MACROD2: variants seen among roughly 807,000 people sequenced by gnomAD.
MACROD2 encodes the protein ADP-ribose glycohydrolase MACROD2.
Under a neutral mutation model 70.4 loss-of-function variants are expected in MACROD2, and 36 were observed. The ratio of observed to expected loss-of-function variants is 0.51; its 90% confidence interval spans 0.39 to 0.68. The LOEUF (loss-of-function observed/expected upper bound fraction) is 0.68, where lower values mean the gene tolerates loss of function less well. Ranked by LOEUF, MACROD2 falls within the 30% of genes least tolerant of loss-of-function variation. MACROD2 has a pLI of 0.00. For synonymous variants in MACROD2, 172 were observed against 178.8 expected (o/e 0.96, Z 0.30); for missense variants, 496 against 538.4 (o/e 0.92, Z 0.78).
chr20:14,263,708 C>T (rs184464382), intron 3 of MACROD2, among the ~76,000 whole-genome samples: 2 of 152,112 alleles, frequency 1.3e-5, no homozygotes, highest in East Asian at 3.9e-4. Context: ...TGCTTGTAAT[C>T]GCAGCACTTT....
intron 8 of MACROD2, among the ~76,000 whole-genome samples, chr20:15,678,401 C>T (rs1416288650): frequency 6.6e-6 from 1 of 151,778 alleles, no homozygotes; most frequent in Non-Finnish European, 1.5e-5. Flanking sequence ...GCTCTGTAGC[C>T]CAGGCTGGAG....
chr20:14,909,665 A>G (rs1255592016), intron 5 of MACROD2, among the ~76,000 whole-genome samples: 1 of 152,110 alleles, frequency 6.6e-6, no homozygotes, highest in Non-Finnish European at 1.5e-5. Flanking sequence ...AAGTTTTGTA[A>G]TAAACCTTCC....
At chr20:15,852,588 A>G (rs910044595) in intron 8 of MACROD2, among the ~76,000 whole-genome samples, 1 of 152,216 alleles carries the variant, frequency 6.6e-6, no homozygotes, top group African/African-American at 2.4e-5. Context: ...CACGAAGAAG[A>G]ACAATGATAT....
intron 10 of MACROD2, among the ~76,000 whole-genome samples, chr20:15,912,492 A>C (rs997177500): frequency 6.6e-6 from 1 of 152,218 alleles, no homozygotes; most frequent in African/African-American, 2.4e-5. Context: ...TTAAAACCTG[A>C]TTTTGAGATT....
At chr20:14,971,078 C>T (rs2074686480) in intron 5 of MACROD2, among the ~76,000 whole-genome samples, 2 of 152,160 alleles carry the variant, frequency 1.3e-5, no homozygotes, top group Non-Finnish European at 2.9e-5. Flanking sequence ...TTGCATATAA[C>T]TTACGCACAT....
At chr20:15,188,753 T>A (rs2076550220) in intron 5 of MACROD2, among the ~76,000 whole-genome samples, 1 of 152,214 alleles carries the variant, frequency 6.6e-6, no homozygotes, top group Non-Finnish European at 1.5e-5. Flanking sequence ...CCTAAGGGAA[T>A]ATGAGTTTTT....
intron 3 of MACROD2, among the ~76,000 whole-genome samples, chr20:14,148,671 G>T (rs1277934618): frequency 6.6e-6 from 1 of 152,160 alleles, no homozygotes; most frequent in East Asian, 1.9e-4. Context: ...GGTGAGAAGG[G>T]TGTTCATGTA....
At chr20:14,363,973 CAT>C (rs2083249609) in intron 3 of MACROD2, among the ~76,000 whole-genome samples, 1 of 151,868 alleles carries the variant, frequency 6.6e-6, no homozygotes, top group African/African-American at 2.4e-5. Context: ...CTTTTCAAAA[CAT>C]AGATGCCTTG....
At chr20:14,448,673 A>G (rs1219039661) in intron 3 of MACROD2, among the ~76,000 whole-genome samples, 1 of 144,102 alleles carries the variant, frequency 6.9e-6, no homozygotes, top group Non-Finnish European at 1.6e-5. Context: ...CTCTCAGAAA[A>G]AAAAAAGAAA....
intron 3 of MACROD2, among the ~76,000 whole-genome samples, chr20:14,344,411 G>T (rs544878997): frequency 3.4e-4 from 52 of 152,054 alleles, no homozygotes; most frequent in South Asian, 1.7e-3. Context: ...AAATATAAAG[G>T]TACTTAAATT....
chr20:14,021,990 T>G (rs1415926098), intron 2 of MACROD2, among the ~76,000 whole-genome samples: 1 of 152,198 alleles, frequency 6.6e-6, no homozygotes, highest in African/African-American at 2.4e-5. Flanking sequence ...ACACCTGTTT[T>G]GACTTACATG....
intron 10 of MACROD2, among the ~76,000 whole-genome samples, chr20:15,913,504 A>G (rs1172091550): frequency 2.6e-5 from 4 of 152,234 alleles, no homozygotes; most frequent in African/African-American, 9.6e-5. Context: ...CCAAAGAATC[A>G]TAAGCCCTTA....
chr20:14,302,253 TG>T (rs2082481146), intron 3 of MACROD2, among the ~76,000 whole-genome samples: 1 of 152,204 alleles, frequency 6.6e-6, no homozygotes, highest in African/African-American at 2.4e-5. Flanking sequence ...TTGTGGTTGT[TG>T]GACTGTACTC....
chr20:15,095,402 A>AT (rs2075823481), intron 5 of MACROD2, among the ~76,000 whole-genome samples: 1 of 150,934 alleles, frequency 6.6e-6, no homozygotes, highest in Non-Finnish European at 1.5e-5. Flanking sequence ...AGCCAGTTTA[A>AT]TGTTTCTTGA....
In MACROD2 at chr20:15,498,101, C is replaced by T. The variant is rs187091906; in HGVS notation, c.572-1673C>T. Among the ~76,000 whole-genome samples the T allele has an allele frequency of 4.8e-3, 731 of 152,314 alleles. 5 individuals are homozygous for T. The highest frequency in any genetic ancestry group is 7.4e-3 in the Non-Finnish European group (501 of 68,030). On this transcript the variant is annotated intron_variant, in intron 7 of 17. Coordinates refer to ENST00000684519, the MANE Select transcript of MACROD2 (RefSeq NM_001351661.2). ...GACATTGCAAAGGTTCAAGAACTTA[C>T]GCACATTTTCTGTATAACAGTCATT... is the stretch of plus-strand genomic sequence containing the variant.
intron 4 of MACROD2, among the ~76,000 whole-genome samples, chr20:14,664,079 A>G (rs191462000): frequency 2.0e-4 from 31 of 152,230 alleles, no homozygotes; most frequent in African/African-American, 7.0e-4. Flanking sequence ...TGAACAACAT[A>G]TTTTTAATTT....
In MACROD2 at chr20:14,912,977, G is replaced by C. The variant is rs577228923; in HGVS notation, c.418+228018G>C. On this transcript the variant is annotated intron_variant, in intron 5 of 17. Coordinates refer to ENST00000684519, the MANE Select transcript of MACROD2 (RefSeq NM_001351661.2). ...ACACATAAAGTATCCAGAAGTACTTGCCAGGATGAGTACACAAATTCTGTC... is the reference window on the plus strand; with the variant it reads ...ACACATAAAGTATCCAGAAGTACTTCCCAGGATGAGTACACAAATTCTGTC... 5.0e-4 allele frequency among the ~76,000 whole-genome samples: 76 copies of C among 152,208 alleles called. 1 individual carries two copies. The highest frequency in any genetic ancestry group is 3.4e-3 in the Middle Eastern group (1 of 294).
At chr20:15,013,594 T>A (rs566499424) in intron 5 of MACROD2, among the ~76,000 whole-genome samples, 12 of 152,200 alleles carry the variant, frequency 7.9e-5, no homozygotes, top group African/African-American at 2.6e-4. Context: ...GAGGCTTGAC[T>A]TTTTTGCTGC....
chr20:14,242,171 A>G (rs755518397), intron 3 of MACROD2, among the ~76,000 whole-genome samples: 46 of 152,214 alleles, frequency 3.0e-4, no homozygotes, highest in Admixed American at 5.2e-4. Flanking sequence ...AAATTAAATT[A>G]GACAATTTAT....
Sources: allele counts gnomAD v4.1 joint callset (sites outside exome capture counted in the v4.1 genomes callset), GRCh38; gene constraint gnomAD v4.1.1; transcripts MANE v1.5; gene names NCBI Gene and HGNC (gene_info 2026-07-23, HGNC 2026-07-21).